The following PTPN4 variants were observed in gnomAD, a reference collection of about 807,000 sequenced individuals.
The protein encoded by PTPN4 is tyrosine-protein phosphatase non-receptor type 4.
Under a neutral mutation model 135.5 loss-of-function variants are expected in PTPN4, and 49 were observed. The ratio of observed to expected loss-of-function variants is 0.36; its 90% CI spans 0.29 to 0.46. The LOEUF is 0.46. PTPN4 is among the 20% of genes least tolerant of loss of function. The probability of loss-of-function intolerance (pLI) is 1.00; values close to 1 mark genes in which losing one functional copy is unlikely to be tolerated. For missense variants in PTPN4, 860 were observed against 1,101.0 expected (o/e 0.78, Z 3.10); for synonymous variants, 333 against 369.9 (o/e 0.90, Z 1.14).
intron 12 of PTPN4, among the ~76,000 whole-genome samples, chr2:119,926,064 C>G (rs1193236451): frequency 6.6e-6 from 1 of 152,196 alleles, no homozygotes; most frequent in African/African-American, 2.4e-5. Flanking sequence ...TGGAAACTGG[C>G]ATTTGGCTGT....
chr2:119,959,157 A>G (rs890060853), intron 22 of PTPN4, among the ~76,000 whole-genome samples: 7 of 152,100 alleles, frequency 4.6e-5, no homozygotes, highest in Non-Finnish European at 1.5e-5. Context: ...AGGGTTATGA[A>G]TAAATTTTAG....
At chr2:119,926,045 G>A (rs1678819262) in intron 12 of PTPN4, among the ~76,000 whole-genome samples, 1 of 152,120 alleles carries the variant, frequency 6.6e-6, no homozygotes, top group Admixed American at 6.5e-5. Flanking sequence ...AAAATTGCTT[G>A]CTTAACTATG....
intron 1 of PTPN4, among the ~76,000 whole-genome samples, chr2:119,769,757 G>A (rs1307949091): frequency 1.3e-5 from 2 of 152,220 alleles, no homozygotes; most frequent in Non-Finnish European, 2.9e-5. Flanking sequence ...TTATTTTAAA[G>A]TTGGGTAAGC....
At chr2:119,919,800 G>A (rs865859943) in intron 11 of PTPN4, among the ~76,000 whole-genome samples, 32 of 139,620 alleles carry the variant, frequency 2.3e-4, no homozygotes, top group African/African-American at 8.4e-4. Flanking sequence ...CTCCAGCATG[G>A]ATGACAGAGT....
chr2:119,866,454 C>T (rs1256237055), intron 3 of PTPN4, among the ~76,000 whole-genome samples: 1 of 152,008 alleles, frequency 6.6e-6, no homozygotes, highest in Non-Finnish European at 1.5e-5. Context: ...AACTGGAAGG[C>T]TTCTTAAAAT....
chr2:119,882,389 A>C, intron 7 of PTPN4, 114 bp from the exon 8 acceptor site: 1 of 1,143,234 alleles, frequency 8.7e-7, no homozygotes. Flanking sequence ...AAGTGGTTAT[A>C]TTAGAAACAT....
chr2:119,841,041 CTTTT>C (rs1213369307), intron 2 of PTPN4, among the ~76,000 whole-genome samples: 1 of 151,724 alleles, frequency 6.6e-6, no homozygotes, highest in Non-Finnish European at 1.5e-5. Context: ...CTCTGATAGG[CTTTT>C]TTCTTTTTTT....
At chr2:119,962,045 T>C (rs1679373749) in intron 23 of PTPN4, among the ~76,000 whole-genome samples, 1 of 152,226 alleles carries the variant, frequency 6.6e-6, no homozygotes, top group Admixed American at 6.5e-5. Flanking sequence ...AACGGTATGG[T>C]ACATGAATTA....
At chr2:119,793,862 T>G (rs1471694819) in intron 1 of PTPN4, among the ~76,000 whole-genome samples, 3 of 136,414 alleles carry the variant, frequency 2.2e-5, no homozygotes, top group Non-Finnish European at 4.7e-5. Context: ...TTTTTTTTTT[T>G]TTTTTTTTTT....
intron 18 of PTPN4, 73 bp from the exon 19 acceptor site, chr2:119,951,900 T>G: frequency 7.9e-7 from 1 of 1,266,040 alleles, no homozygotes; most frequent in South Asian, 1.9e-5. Flanking sequence ...TTGGGTCTAT[T>G]AAAATAAATT....
At chr2:119,890,694 C>G (rs1255504354) in intron 9 of PTPN4, among the ~76,000 whole-genome samples, 1 of 151,876 alleles carries the variant, frequency 6.6e-6, no homozygotes. Context: ...AAGTTTTATA[C>G]TTTTGTGTGT....
intron 2 of PTPN4, among the ~76,000 whole-genome samples, chr2:119,829,653 C>CT (rs1169826357): frequency 6.6e-6 from 1 of 152,106 alleles, no homozygotes; most frequent in Non-Finnish European, 1.5e-5. Flanking sequence ...AGAACTTTCA[C>CT]TTTTTTTTCA....
chr2:119,932,348 C>T, intron 13 of PTPN4, 76 bp from the exon 14 acceptor site: 1 of 1,364,934 alleles, frequency 7.3e-7, no homozygotes. Flanking sequence ...TCTCTGAAAA[C>T]AAATTGTAGG....
rs1428672174 is a variant in PTPN4, at chr2:119,978,077, G to C, written c.*1007G>C. Reference sequence around the variant, plus strand: ...GAGTGCACACTGCTGCTATGGAATTGTTCAAAATCTGCACATTCCTTTACT... The same window carrying C: ...GAGTGCACACTGCTGCTATGGAATTCTTCAAAATCTGCACATTCCTTTACT... On this transcript the variant is annotated 3_prime_UTR_variant, in exon 27 of 27. Transcript: ENST00000263708. 6.6e-6 allele frequency: 1 copy of C among 152,142 alleles called. No individual in the cohort carries two copies. The highest frequency in any genetic ancestry group is 1.5e-5 in the Non-Finnish European group (1 of 68,020). The allele number at this position is 152,142 out of a possible 1,614,324, so 9.4% of individuals were successfully genotyped here.
chr2:119,935,575 A>G (rs1003072151), intron 15 of PTPN4, among the ~76,000 whole-genome samples: 1 of 152,160 alleles, frequency 6.6e-6, no homozygotes, highest in Non-Finnish European at 1.5e-5. Flanking sequence ...TGCGTGATGT[A>G]TATCTTGGTA....
intron 2 of PTPN4, among the ~76,000 whole-genome samples, chr2:119,818,290 T>C (rs1434866220): frequency 1.3e-5 from 2 of 152,212 alleles, no homozygotes; most frequent in Non-Finnish European, 2.9e-5. Context: ...TGTCTCTTGA[T>C]TGTCAGTCAC....
intron 9 of PTPN4, among the ~76,000 whole-genome samples, chr2:119,893,635 A>G (rs565445944): frequency 1.3e-5 from 2 of 152,322 alleles, no homozygotes; most frequent in East Asian, 1.9e-4. Context: ...GAACACTTCA[A>G]TGTTTAGAAT....
intron 12 of PTPN4, among the ~76,000 whole-genome samples, chr2:119,924,444 G>T (rs967174685): frequency 1.6e-4 from 24 of 151,870 alleles, no homozygotes; most frequent in African/African-American, 5.6e-4. Flanking sequence ...TAATGGTGAT[G>T]ATTTCTTTAT....
At chr2:119,787,167 G>T (rs1189932423) in intron 1 of PTPN4, among the ~76,000 whole-genome samples, 1 of 152,186 alleles carries the variant, frequency 6.6e-6, no homozygotes, top group African/African-American at 2.4e-5. Flanking sequence ...CTTCTCCTGG[G>T]CTGGTGGCTA....
Sources: allele counts gnomAD v4.1 joint callset (sites outside exome capture counted in the v4.1 genomes callset), GRCh38; gene constraint gnomAD v4.1.1; transcripts MANE v1.5; gene names NCBI Gene and HGNC (gene_info 2026-07-23, HGNC 2026-07-21).